CDH7: variants seen among roughly 807,000 people sequenced by gnomAD.
The protein encoded by CDH7 is cadherin 7.
CDH7 carries 25 observed loss-of-function variants against 71.8 expected under a neutral mutation model. The observed-to-expected ratio is 0.35, with a 90% CI of 0.25 to 0.49. The LOEUF (loss-of-function observed/expected upper bound fraction) is 0.49, where lower values mean the gene tolerates loss of function less well. Ranked by LOEUF, CDH7 falls within the 20% of genes least tolerant of loss-of-function variation. The pLI, the probability that CDH7 is intolerant of heterozygous loss-of-function variation, is 0.99. For missense variants in CDH7, 862 were observed against 974.6 expected (o/e 0.88, Z 1.54); for synonymous variants, 381 against 363.8 (o/e 1.05, Z -0.54).
chr18:65,873,794 C>T (rs1913994581), intron 11 of CDH7, among the ~76,000 whole-genome samples: 1 of 152,180 alleles, frequency 6.6e-6, no homozygotes, highest in South Asian at 2.1e-4. Flanking sequence ...AGTCACATTT[C>T]AAATGTCATC....
At chr18:65,794,477 G>C (rs1242653774) in intron 2 of CDH7, among the ~76,000 whole-genome samples, 2 of 151,938 alleles carry the variant, frequency 1.3e-5, no homozygotes, top group Non-Finnish European at 2.9e-5. Flanking sequence ...TCCTTATTCA[G>C]AGCAGTAATG....
intron 2 of CDH7, among the ~76,000 whole-genome samples, chr18:65,763,589 A>AGG (rs11435406): frequency 1.9e-5 from 2 of 104,284 alleles, no homozygotes; most frequent in East Asian, 3.0e-4. Context: ...TTGTTTTGAT[A>AGG]GGGGGGTGTG....
At position 65,824,804 on chromosome 18, in the gene CDH7, C is replaced by A. The variant is rs773158955; in HGVS notation, c.954C>A (p.Thr318=). The part of the protein sequence containing the change: ...GIFKISVDKE[T]QEGIITIQKE... ...TTAAGATTTCTGTTGACAAAGAAAC[C>A]CAGGAAGGAATCATTACTATACAGA... Residue 318 remains threonine (T), a synonymous_variant, in exon 6 of 12, where the codon ACC becomes ACA. Transcript: ENST00000397968. The A allele has an allele frequency of 6.2e-7, 1 of 1,610,628 alleles. No individual in the cohort carries two copies. Among genetic ancestry groups the A allele is most frequent in the South Asian group, 1.1e-5 (1 of 90,904 alleles).
rs1238979424 is a variant in CDH7 at position 65,859,723 on chromosome 18, A to G, written c.1510A>G (p.Ser504Gly). 2 of 1,602,498 alleles carry G rather than the reference A, an allele frequency of 1.2e-6. No individual in the cohort carries two copies. Among genetic ancestry groups the G allele is most frequent in the Non-Finnish European group, 1.7e-6 (2 of 1,169,614 alleles). The change falls in exon 10 of 12, where the codon AGT becomes GGT. Residue 504 changes from serine to glycine, a missense_variant. By Grantham distance (56) the Ser-to-Gly change is moderately conservative. Coordinates refer to ENST00000397968, the MANE Select transcript of CDH7 (RefSeq NM_004361.5). ...AQPGQVIQKI[S>G]AVDKDEPSNG... ...CTTTTCCTAGGTTATCCAGAAAATCAGTGCTGTGGATAAAGATGAGCCATC... is the reference window on the plus strand; with the variant it reads ...CTTTTCCTAGGTTATCCAGAAAATCGGTGCTGTGGATAAAGATGAGCCATC...
chr18:65,856,708 T>C (rs1352372989), intron 7 of CDH7, among the ~76,000 whole-genome samples: 3 of 152,060 alleles, frequency 2.0e-5, no homozygotes, highest in Non-Finnish European at 2.9e-5. Flanking sequence ...TTTTTTCCTG[T>C]TTGTTCTTTC....
At chr18:65,867,194 C>G (rs2144047862) in intron 11 of CDH7, among the ~76,000 whole-genome samples, 1 of 152,138 alleles carries the variant, frequency 6.6e-6, no homozygotes, top group Admixed American at 6.5e-5. Context: ...TGCCACCACG[C>G]CCGGCTAATT....
At position 65,800,650 on chromosome 18, in the gene CDH7, T is replaced by C. The variant is rs182951925; in HGVS notation, c.211-9054T>C. 1.9e-3 allele frequency among the ~76,000 whole-genome samples: 290 copies of C among 152,240 alleles called. 1 individual carries two copies. The highest frequency in any genetic ancestry group is 6.8e-3 in the African/African-American group (284 of 41,532). On this transcript the variant is annotated intron_variant, in intron 2 of 11. Transcript: ENST00000397968. Reference sequence around the variant, plus strand: ...CAAAATAATAAAGTGATTAGCAAAATAGTAGGAGAAGATGAATAAACTATT... The same window carrying C: ...CAAAATAATAAAGTGATTAGCAAAACAGTAGGAGAAGATGAATAAACTATT...
intron 2 of CDH7, among the ~76,000 whole-genome samples, chr18:65,787,059 A>C (rs551606439): frequency 6.6e-6 from 1 of 152,072 alleles, no homozygotes; most frequent in Non-Finnish European, 1.5e-5. Flanking sequence ...ACATATTTAT[A>C]TGTTTTCACC....
chr18:65,779,123 T>G (rs2143824611), intron 2 of CDH7, among the ~76,000 whole-genome samples: 1 of 152,080 alleles, frequency 6.6e-6, no homozygotes. Flanking sequence ...TTTAGTAAAT[T>G]TTGTAGATGC....
intron 6 of CDH7, among the ~76,000 whole-genome samples, chr18:65,834,571 T>C (rs1912468348): frequency 6.6e-6 from 1 of 152,118 alleles, no homozygotes. Flanking sequence ...AAATAACTTA[T>C]CAAAAAGACT....
At chr18:65,757,310 G>A (rs1916057355) in intron 1 of CDH7, among the ~76,000 whole-genome samples, 1 of 152,138 alleles carries the variant, frequency 6.6e-6, no homozygotes, top group Non-Finnish European at 1.5e-5. Context: ...GAACAAAATG[G>A]TAGCATGATC....
rs546457176 is a variant in CDH7, at chr18:65,830,550, C to T, written c.981+5719C>T. Among the ~76,000 whole-genome samples, 3 of 149,834 alleles carry T rather than the reference C, an allele frequency of 2.0e-5. No individual in the cohort carries two copies. In the East Asian group the frequency reaches 5.9e-4, roughly 29 times the overall value. On this transcript the variant is annotated intron_variant, in intron 6 of 11. Transcript: ENST00000397968. ...CCTTCCTTTCTTCCTCCCTTCCTTCCTTCTTTCCTTCCTCTCTCTCTCCTT... is the reference window on the plus strand; with the variant it reads ...CCTTCCTTTCTTCCTCCCTTCCTTCTTTCTTTCCTTCCTCTCTCTCTCCTT...
intron 6 of CDH7, among the ~76,000 whole-genome samples, chr18:65,833,935 A>T (rs1912442524): frequency 6.6e-6 from 1 of 152,174 alleles, no homozygotes; most frequent in Admixed American, 6.5e-5. Flanking sequence ...TTATAGCAGT[A>T]TTCTCAGAAT....
chr18:65,788,769 T>C (rs964156959), intron 2 of CDH7, among the ~76,000 whole-genome samples: 1 of 152,232 alleles, frequency 6.6e-6, no homozygotes, highest in Non-Finnish European at 1.5e-5. Context: ...TTATACCTGC[T>C]TTCGCTTAGA....
At chr18:65,852,051 C>G (rs1913167732) in intron 7 of CDH7, among the ~76,000 whole-genome samples, 2 of 152,014 alleles carry the variant, frequency 1.3e-5, no homozygotes, top group African/African-American at 4.8e-5. Flanking sequence ...TACAGAATGA[C>G]CAACATGAGA....
chr18:65,773,703 G>A (rs985173119), intron 2 of CDH7, among the ~76,000 whole-genome samples: 3 of 152,054 alleles, frequency 2.0e-5, no homozygotes, highest in Admixed American at 1.3e-4. Context: ...AATATGGTAT[G>A]AAAATGTATT....
At chr18:65,817,104 C>T (rs367837395) in intron 4 of CDH7, among the ~76,000 whole-genome samples, 2 of 152,096 alleles carry the variant, frequency 1.3e-5, no homozygotes, top group Non-Finnish European at 2.9e-5. Flanking sequence ...GTCGGAATGA[C>T]GGCATAGGTC....
rs1227827347 is a variant in CDH7 at position 65,838,822 on chromosome 18, C to T, written c.982-4990C>T. ...ATTCGTTATAGTCATATTTTTTAAT[C>T]CAACAATAGAATTTGCCAAAGACAA... is the stretch of plus-strand genomic sequence containing the variant. On this transcript the variant is annotated intron_variant, in intron 6 of 11. Coordinates refer to ENST00000397968, the MANE Select transcript of CDH7 (RefSeq NM_004361.5). 3.9e-5 allele frequency among the ~76,000 whole-genome samples: 6 copies of T among 152,222 alleles called. No homozygotes were observed. The East Asian group carries it at 7.7e-4, about 20-fold the overall frequency.
chr18:65,802,194 G>T (rs1169174910), intron 2 of CDH7, among the ~76,000 whole-genome samples: 2 of 152,094 alleles, frequency 1.3e-5, no homozygotes, highest in Admixed American at 1.3e-4. Flanking sequence ...AAAGGCTAAG[G>T]GGTTTTTTGT....
Sources: gnomAD v4.1 joint callset for allele counts (sites outside exome capture counted in the v4.1 genomes callset) on GRCh38, gnomAD v4.1.1 for gene constraint, MANE v1.5 for transcripts, NCBI Gene and HGNC (gene_info 2026-07-23, HGNC 2026-07-21) for gene names.